The following GCFC2 variants were observed in gnomAD, a reference collection of about 807,000 sequenced individuals.
GCFC2 encodes GC-rich sequence DNA-binding factor 2, also known as intron Large complex component GCFC2.
GCFC2 carries 102 observed loss-of-function variants against 99.4 expected under a neutral mutation model. The observed-to-expected ratio is 1.03, with a 90% CI of 0.87 to 1.21. GCFC2 has a LOEUF of 1.21. Among genes scored for constraint, GCFC2 ranks in the 50% most tolerant of loss-of-function variants. GCFC2 has a pLI of 0.00. For synonymous variants in GCFC2, 338 were observed against 316.8 expected, an observed-to-expected ratio of 1.07 and a Z score of -0.71; for missense variants, 973 against 920.9, an observed-to-expected ratio of 1.06 and a Z score of -0.73.
intron 11 of GCFC2, 25 bp from the exon 12 acceptor site, chr2:75,680,339 A>G: frequency 2.5e-6 from 4 of 1,594,456 alleles, no homozygotes; most frequent in Non-Finnish European, 2.6e-6. Context: ...TCAGTGGTAC[A>G]CAATGTATTT....
Position 75,708,094 on chromosome 2 carries a change from G to A in GCFC2, c.266-1443C>T, listed in dbSNP as rs77888235. On this transcript the variant is annotated intron_variant, in intron 1 of 16. Transcript: ENST00000321027. ...CTGAACTAGACGTTGTTTTTAAGAA[G>A]CATCACCATTTTACTTGAAAGAATG... 2.1e-3 allele frequency among the ~76,000 whole-genome samples: 325 copies of A among 152,244 alleles called. 2 individuals carry two copies. The highest frequency in any genetic ancestry group is 7.5e-3 in the African/African-American group (311 of 41,538).
In GCFC2 at chr2:75,710,785, T is replaced by A. The variant is rs1443159755; in HGVS notation, c.71A>T (p.Glu24Val). The A allele has an allele frequency of 6.3e-7, 1 of 1,576,022 alleles. No individual in the cohort carries two copies. Among genetic ancestry groups the A allele is most frequent in the Admixed American group, 1.7e-5 (1 of 57,506 alleles). ...ADSSDSDGAEESPAEPGAPRE... is the reference protein window; with the variant it reads ...ADSSDSDGAEVSPAEPGAPRE... ...CGGCGCCCCAGGCTCAGCAGGCGACTCCTCGGCGCCATCGCTGTCGCTGGA... is the reference window on the plus strand; with the variant it reads ...CGGCGCCCCAGGCTCAGCAGGCGACACCTCGGCGCCATCGCTGTCGCTGGA... Residue 24 changes from glutamate to valine, a missense_variant, in exon 1 of 17, where the codon GAG (glutamate) becomes GTG (valine). Transcript: ENST00000321027.
chr2:75,692,150 T>C (rs1275493976), intron 6 of GCFC2, 50 bp from the exon 7 acceptor site: 2 of 81,926 alleles, frequency 2.4e-5, no homozygotes, highest in East Asian at 5.4e-4. Context: ...TAATGAAATA[T>C]ATATATATAT....
intron 12 of GCFC2, chr2:75,679,798 G>C: frequency 2.5e-6 from 1 of 401,596 alleles, no homozygotes; most frequent in Non-Finnish European, 4.4e-6. Flanking sequence ...TCATAATCCT[G>C]AAAGATGGCT....
At chr2:75,673,936 T>G (rs1573048236) in intron 12 of GCFC2, among the ~76,000 whole-genome samples, 1 of 152,240 alleles carries the variant, frequency 6.6e-6, no homozygotes, top group South Asian at 2.1e-4. Context: ...GTTTCTAGAA[T>G]AGTGGCATCC....
Position 75,689,896 on chromosome 2 carries a change from G to C in GCFC2, c.1339+73C>G, listed in dbSNP as rs1035598098. On this transcript the variant is annotated intron_variant, in intron 9 of 16. Transcript: ENST00000321027. Reference sequence around the variant, plus strand: ...TTTATATAGCTTATGTACTTATTAAGGGCAATCCCAGCAAAGTGTTTCTCA... The same window carrying C: ...TTTATATAGCTTATGTACTTATTAACGGCAATCCCAGCAAAGTGTTTCTCA... The C allele has an allele frequency of 6.4e-6, 5 of 782,130 alleles. No homozygotes were observed. In the African/African-American group the frequency reaches 8.7e-5, roughly 14 times the overall value. The allele number at this position is 782,130 out of a possible 1,614,324, so 48.4% of individuals were successfully genotyped here.
At position 75,665,996 on chromosome 2, in the gene GCFC2, G is replaced by A; in HGVS notation, c.2161C>T (p.Pro721Ser). The change falls in exon 16 of 17, where the codon CCA becomes TCA. Residue 721 changes from proline (P) to serine (S), a missense_variant. Coordinates refer to ENST00000321027, the MANE Select transcript of GCFC2 (RefSeq NM_003203.5). ...AACTGAATGAAGTTTTCTAGCTGTG[G>A]AATAGATGTCCTCATGGCAGAATTT... ...FENSAMRTSI[P>S]QLENFIQFLL... The A allele has an allele frequency of 1.2e-6, 2 of 1,601,802 alleles. No homozygotes were observed. Among genetic ancestry groups the A allele is most frequent in the Non-Finnish European group, 1.7e-6 (2 of 1,169,670 alleles).
At chr2:75,669,942 C>G in intron 15 of GCFC2, 196 bp downstream of exon 15, 1 of 379,016 alleles carries the variant, frequency 2.6e-6, no homozygotes, top group East Asian at 4.4e-5. Flanking sequence ...TGAGGCTGGT[C>G]TCAAACTCCT....
In GCFC2 at chr2:75,693,347, C is replaced by T. The variant is rs1037770947; in HGVS notation, c.1020+894G>A. On this transcript the variant is annotated intron_variant, in intron 6 of 16. Transcript: ENST00000321027. ...CCCAGCTACTTGGGAGGCTGAGGCA[C>T]GAGAATCGCTTGAACCTAGGAGGCA... Among the ~76,000 whole-genome samples the T allele has an allele frequency of 5.3e-5, 8 of 151,958 alleles. No individual in the cohort carries two copies. The South Asian group carries it at 6.2e-4, about 12-fold the overall frequency.
intron 12 of GCFC2, among the ~76,000 whole-genome samples, chr2:75,676,841 T>A (rs1226924372): frequency 6.6e-6 from 1 of 152,244 alleles, no homozygotes; most frequent in Non-Finnish European, 1.5e-5. Context: ...TCTTTTGAAA[T>A]CTTCTTGGAT....
intron 7 of GCFC2, among the ~76,000 whole-genome samples, chr2:75,691,262 G>T (rs1384982971): frequency 6.6e-6 from 1 of 152,110 alleles, no homozygotes; most frequent in Non-Finnish European, 1.5e-5. Flanking sequence ...ATAATATATT[G>T]TAAGTTATAC....
At chr2:75,664,882 G>A (rs563350107) in intron 16 of GCFC2, 99 bp from the exon 17 acceptor site, 2 of 669,350 alleles carry the variant, frequency 3.0e-6, no homozygotes, top group African/African-American at 3.6e-5. Context: ...TAAAACAAAA[G>A]CTTTACCTTA....
rs189908619 is a variant in GCFC2, at chr2:75,670,160, T to A, written c.2081A>T (p.Asp694Val). The A allele has an allele frequency of 3.1e-6, 5 of 1,607,642 alleles. No individual in the cohort carries two copies. The East Asian group carries it at 1.1e-4, about 36-fold the overall frequency. The change falls in exon 15 of 17, where the codon GAT (aspartate) becomes GTT (valine). Residue 694 changes from aspartate (D) to valine (V), a missense_variant. Physicochemically the swap from Asp to Val is radical, Grantham distance 152. Transcript: ENST00000321027. ...IALLNATPGP[D>V]VVKKCNQVAA... is the part of the protein sequence containing the mutation. ...TACCTGGTTGCACTTTTTAACCACATCTGGCCCAGGTGTGGCATTGAGAAG... is the reference window on the plus strand; with the variant it reads ...TACCTGGTTGCACTTTTTAACCACAACTGGCCCAGGTGTGGCATTGAGAAG...
At chr2:75,665,449 C>T (rs747655400) in intron 16 of GCFC2, among the ~76,000 whole-genome samples, 46 of 152,028 alleles carry the variant, frequency 3.0e-4, no homozygotes, top group Non-Finnish European at 5.6e-4. Context: ...CCACCATGCC[C>T]GGCCAAATCT....
intron 4 of GCFC2, chr2:75,697,907 G>A (rs1343597039): frequency 1.3e-5 from 2 of 152,256 alleles, no homozygotes; most frequent in Non-Finnish European, 2.9e-5. Flanking sequence ...CTCCTACAGA[G>A]TTTCTGGAAA....
rs566466276 is a variant in GCFC2, at chr2:75,710,374, T to C, written c.265+217A>G. Reference sequence around the variant, plus strand: ...TCCCAACTGTACACGATTGTTTTATTTCCCCCAAGGAGTCCAAAAGGCAGA... The same window carrying C: ...TCCCAACTGTACACGATTGTTTTATCTCCCCCAAGGAGTCCAAAAGGCAGA... On this transcript the variant is annotated intron_variant, in intron 1 of 16. Coordinates refer to ENST00000321027, the MANE Select transcript of GCFC2 (RefSeq NM_003203.5). 6.1e-6 allele frequency: 7 copies of C among 1,144,646 alleles called. No homozygotes were observed. In the South Asian group the frequency reaches 1.3e-4, roughly 21 times the overall value. The allele number at this position is 1,144,646 out of a possible 1,614,324, so 70.9% of individuals were successfully genotyped here.
Position 75,710,649 on chromosome 2 carries a change from C to T in GCFC2, c.207G>A (p.Arg69=), listed in dbSNP as rs1681112823. 1.3e-6 allele frequency: 2 copies of T among 1,518,320 alleles called. No homozygotes were observed. The highest frequency in any genetic ancestry group is 8.8e-7 in the Non-Finnish European group (1 of 1,139,644). The allele number at this position is 1,518,320 out of a possible 1,614,324, so 94.1% of individuals were successfully genotyped here. A position where few individuals can be genotyped will look rare whatever the true frequency, so the allele number is the denominator to read the frequency against. ...HRVRGPRGRG[R]VWASSRRATK... ...TGGCACGCCGGGAGCTCGCCCAGAC[C>T]CGGCCCCGGCCACGAGGGCCCCGAA... Residue 69 remains arginine, a synonymous_variant, in exon 1 of 17, where the codon CGG becomes CGA. Coordinates refer to ENST00000321027, the MANE Select transcript of GCFC2 (RefSeq NM_003203.5).
chr2:75,677,857 AG>A (rs1679415806), intron 12 of GCFC2, among the ~76,000 whole-genome samples: 1 of 152,082 alleles, frequency 6.6e-6, no homozygotes, highest in South Asian at 2.1e-4. Context: ...AGGTGCCTGT[AG>A]TCCCAGCTAC....
At chr2:75,680,636 T>C (rs1186832580) in intron 11 of GCFC2, among the ~76,000 whole-genome samples, 1 of 152,130 alleles carries the variant, frequency 6.6e-6, no homozygotes, top group Non-Finnish European at 1.5e-5. Context: ...AGTGAGCCTC[T>C]CTCTCTCTCT....
Sources: allele counts gnomAD v4.1 joint callset (sites outside exome capture counted in the v4.1 genomes callset), GRCh38; gene constraint gnomAD v4.1.1; transcripts MANE v1.5; gene names NCBI Gene and HGNC (gene_info 2026-07-23, HGNC 2026-07-21).